The following PCLO variants were observed in gnomAD, a reference collection of about 807,000 sequenced individuals.
PCLO encodes the protein protein piccolo.
In PCLO, 82 loss-of-function variants were observed where a neutral mutation model predicts 427.5. The observed-to-expected ratio is 0.19, with a 90% CI of 0.16 to 0.23. PCLO has a LOEUF of 0.23. PCLO is among the 10% of genes least tolerant of loss of function. The pLI, the probability that PCLO is intolerant of heterozygous loss-of-function variation, is 1.00. For missense variants in PCLO, 6,239 were observed against 6,115.9 expected (o/e 1.02, Z -0.67); for synonymous variants, 2,357 against 2,155.4 (o/e 1.09, Z -2.59).
At chr7:82,809,203 C>T (rs948120350) in intron 20 of PCLO, among the ~76,000 whole-genome samples, 2 of 151,664 alleles carry the variant, frequency 1.3e-5, no homozygotes, top group African/African-American at 4.8e-5. Flanking sequence ...TAATTTCCAC[C>T]ACATTCTTTA....
At chr7:82,921,968 T>C (rs1794605603) in intron 6 of PCLO, among the ~76,000 whole-genome samples, 1 of 151,810 alleles carries the variant, frequency 6.6e-6, no homozygotes, top group South Asian at 2.1e-4. Flanking sequence ...CTAACAAGCA[T>C]ATGAAAAAAT....
chr7:82,960,302 G>A (rs1473651643), intron 4 of PCLO, among the ~76,000 whole-genome samples: 4 of 152,156 alleles, frequency 2.6e-5, no homozygotes, highest in Non-Finnish European at 5.9e-5. Flanking sequence ...AAAATTCACT[G>A]GACCTGGAGT....
At chr7:83,028,059 C>G (rs966142266) in intron 3 of PCLO, among the ~76,000 whole-genome samples, 1 of 149,278 alleles carries the variant, frequency 6.7e-6, no homozygotes, top group East Asian at 2.0e-4. Context: ...GACAGGGATG[C>G]CCTCTCTCAC....
intron 10 of PCLO, among the ~76,000 whole-genome samples, chr7:82,867,377 C>G (rs1425225998): frequency 6.6e-6 from 1 of 152,180 alleles, no homozygotes; most frequent in Non-Finnish European, 1.5e-5. Flanking sequence ...AGTTATCCAG[C>G]TAAGAACACC....
At chr7:82,847,287 A>C in intron 10 of PCLO, 40 bp from the exon 11 acceptor site, 2 of 1,144,128 alleles carry the variant, frequency 1.7e-6, no homozygotes, top group South Asian at 2.6e-5. Context: ...AACGTGTGCT[A>C]TCTCTAGTCT....
intron 3 of PCLO, among the ~76,000 whole-genome samples, chr7:82,988,695 C>G (rs1459753624): frequency 1.3e-5 from 2 of 152,106 alleles, no homozygotes; most frequent in Non-Finnish European, 2.9e-5. Flanking sequence ...CCTGTTTTCA[C>G]TATCACAACT....
chr7:83,131,284 T>C (rs893487308), intron 3 of PCLO, among the ~76,000 whole-genome samples: 6 of 152,184 alleles, frequency 3.9e-5, no homozygotes, highest in Non-Finnish European at 7.3e-5. Context: ...CAGTAAGGCT[T>C]AGGTTGAGGT....
In PCLO at chr7:83,070,208, A is replaced by T. The variant is rs908648733; in HGVS notation, c.3300+64042T>A. On this transcript the variant is annotated intron_variant, in intron 3 of 24. Coordinates refer to ENST00000333891, the MANE Select transcript of PCLO (RefSeq NM_033026.6). Reference sequence around the variant, plus strand: ...AGGAATGAAGCCTTGTGCCAACAGTAATGTCAGTGAGTCTGGAAGTAGAAC... The same window carrying T: ...AGGAATGAAGCCTTGTGCCAACAGTTATGTCAGTGAGTCTGGAAGTAGAAC... 4.6e-5 allele frequency among the ~76,000 whole-genome samples: 7 copies of T among 152,222 alleles called. No homozygotes were observed. The East Asian group carries it at 1.4e-3, about 30-fold the overall frequency.
At chr7:82,776,928 A>G (rs557209685) in intron 22 of PCLO, among the ~76,000 whole-genome samples, 1 of 151,970 alleles carries the variant, frequency 6.6e-6, no homozygotes, top group South Asian at 2.1e-4. Flanking sequence ...ACACACACAC[A>G]CACATACACA....
intron 20 of PCLO, among the ~76,000 whole-genome samples, chr7:82,812,824 T>G (rs562201843): frequency 2.6e-5 from 4 of 151,710 alleles, no homozygotes; most frequent in Admixed American, 1.3e-4. Context: ...TTATTCTCTT[T>G]TGAAGCAGAA....
intron 3 of PCLO, among the ~76,000 whole-genome samples, chr7:83,097,794 A>G (rs1410032988): frequency 2.0e-5 from 3 of 151,678 alleles, no homozygotes; most frequent in Non-Finnish European, 4.4e-5. Flanking sequence ...TAAACCACAA[A>G]AGTCCGTGAG....
At chr7:83,023,718 T>C (rs1176374928) in intron 3 of PCLO, among the ~76,000 whole-genome samples, 1 of 152,186 alleles carries the variant, frequency 6.6e-6, no homozygotes, top group African/African-American at 2.4e-5. Context: ...AAGCTTACGA[T>C]TGTTTCAGAT....
chr7:83,124,750 C>T (rs999582539), intron 3 of PCLO, among the ~76,000 whole-genome samples: 4 of 152,036 alleles, frequency 2.6e-5, no homozygotes, highest in Non-Finnish European at 4.4e-5. Context: ...CCGCTTTCCA[C>T]GGTCTCCCCC....
At chr7:83,015,341 A>G (rs1479238021) in intron 3 of PCLO, among the ~76,000 whole-genome samples, 1 of 149,382 alleles carries the variant, frequency 6.7e-6, no homozygotes, top group East Asian at 2.0e-4. Context: ...TTTTTCTTTT[A>G]GTCACATTTT....
chr7:83,027,791 G>A (rs1788544425), intron 3 of PCLO, among the ~76,000 whole-genome samples: 1 of 106,012 alleles, frequency 9.4e-6, no homozygotes, highest in Non-Finnish European at 2.0e-5. Context: ...GGGATGCAAG[G>A]CTGGTTCAAT....
chr7:83,029,273 A>C (rs1359199063), intron 3 of PCLO, among the ~76,000 whole-genome samples: 2 of 151,394 alleles, frequency 1.3e-5, no homozygotes, highest in African/African-American at 2.4e-5. Context: ...AAAAAAAAAA[A>C]AACAACCCCA....
rs77449498 is a variant in PCLO, at chr7:82,848,219, T to C, written c.13655-972A>G. ...GTACAGTAGATGAACCCATCCAAGA[T>C]AGTGCTCAAATATTTGTGAACTTCA... is the stretch of plus-strand genomic sequence containing the variant. On this transcript the variant is annotated intron_variant, in intron 10 of 24. Coordinates refer to ENST00000333891, the MANE Select transcript of PCLO (RefSeq NM_033026.6). Among the ~76,000 whole-genome samples, 26 of 151,534 alleles carry C rather than the reference T, an allele frequency of 1.7e-4. No homozygotes were observed. In the East Asian group the frequency reaches 4.3e-3, roughly 25 times the overall value.
At chr7:82,927,053 CCTGT>C (rs1340456743) in intron 6 of PCLO, among the ~76,000 whole-genome samples, 11 of 151,878 alleles carry the variant, frequency 7.2e-5, no homozygotes, top group Admixed American at 1.3e-4. Context: ...TTTCTTTTTT[CCTGT>C]CTGTCAACCA....
rs766557214 is a variant in PCLO, at chr7:83,155,651, C to A, written c.990G>T (p.Lys330Asn). The change falls in exon 2 of 25, where the codon AAG (lysine) becomes AAT (asparagine). Residue 330 changes from lysine (K) to asparagine (N), a missense_variant. Lys to Asn is a moderately conservative substitution (Grantham distance 94). Around this residue, in one of 5 missense-constraint regions of PCLO, gnomAD observed 4,677 missense variants for 4,468.4 expected, o/e 1.05. Transcript: ENST00000333891. ...GHEKSQPGPA[K>N]PPAQPSGLTK... ...TTAGCCCTGAGGGCTGAGCTGGGGG[C>A]TTTGCAGGCCCAGGCTGTGATTTTT... 37 of 1,613,736 alleles carry A rather than the reference C, an allele frequency of 2.3e-5. No homozygotes were observed. The highest frequency in any genetic ancestry group is 3.1e-5 in the Non-Finnish European group (36 of 1,179,884).
Sources: allele counts gnomAD v4.1 joint callset (sites outside exome capture counted in the v4.1 genomes callset), GRCh38; gene constraint gnomAD v4.1.1; regional missense constraint gnomAD v4.1.1; transcripts MANE v1.5; gene names NCBI Gene and HGNC (gene_info 2026-07-23, HGNC 2026-07-21).